HCN1: variants seen among roughly 807,000 people sequenced by gnomAD.
HCN1 encodes potassium/sodium hyperpolarization-activated cyclic nucleotide-gated channel 1.
Under a neutral mutation model 78.9 loss-of-function variants are expected in HCN1, and 13 were observed. That is an observed-to-expected ratio of 0.16 (90% CI 0.11 to 0.26). HCN1 has a LOEUF of 0.26. Ranked by LOEUF, HCN1 falls within the 10% of genes least tolerant of loss-of-function variation. The pLI is 1.00. For missense variants in HCN1, 810 were observed against 1,154.3 expected (o/e 0.70, Z 4.32); for synonymous variants, 552 against 455.5 (o/e 1.21, Z -2.70).
chr5:45,272,186 A>G (rs920288406), intron 6 of HCN1, among the ~76,000 whole-genome samples: 4 of 152,046 alleles, frequency 2.6e-5, no homozygotes, highest in African/African-American at 9.7e-5. Flanking sequence ...AAATCTACTT[A>G]TTGAGTAAAC....
intron 1 of HCN1, among the ~76,000 whole-genome samples, chr5:45,683,586 T>C (rs957734196): frequency 1.3e-5 from 2 of 152,094 alleles, no homozygotes; most frequent in Non-Finnish European, 2.9e-5. Context: ...ACCAGTTGTT[T>C]ATAGAGAATT....
intron 2 of HCN1, among the ~76,000 whole-genome samples, chr5:45,615,573 TCTC>T (rs1744928213): frequency 6.6e-6 from 1 of 151,960 alleles, no homozygotes; most frequent in South Asian, 2.1e-4. Flanking sequence ...TCTAGCCTCT[TCTC>T]ACAATTCTCG....
At position 45,278,912 on chromosome 5, in the gene HCN1, G is replaced by A. The variant is rs188683518; in HGVS notation, c.1619-11659C>T. Among the ~76,000 whole-genome samples, 420 of 152,068 alleles carry A rather than the reference G, an allele frequency of 2.8e-3. 1 individual carries two copies. Among genetic ancestry groups the A allele is most frequent in the African/African-American group, 9.9e-3 (409 of 41,502 alleles). ...AAGAAATGGATTTACATTTTTAAAG[G>A]TTTGTTAAAATAAAAGCAAAAATGA... On this transcript the variant is annotated intron_variant, in intron 6 of 7. Transcript: ENST00000303230.
intron 2 of HCN1, among the ~76,000 whole-genome samples, chr5:45,577,147 A>T (rs1298419286): frequency 6.6e-6 from 1 of 152,254 alleles, no homozygotes; most frequent in African/African-American, 2.4e-5. Context: ...CTGCTAGTAC[A>T]ATCAGAATAT....
At chr5:45,285,934 A>G (rs1745260595) in intron 6 of HCN1, among the ~76,000 whole-genome samples, 1 of 151,928 alleles carries the variant, frequency 6.6e-6, no homozygotes, top group Admixed American at 6.6e-5. Flanking sequence ...TCAGTTCCTC[A>G]TCTTCTCTGA....
intron 3 of HCN1, among the ~76,000 whole-genome samples, chr5:45,446,390 A>G (rs1259537163): frequency 6.6e-6 from 1 of 152,206 alleles, no homozygotes; most frequent in Non-Finnish European, 1.5e-5. Flanking sequence ...GACTATGTGA[A>G]AAGACCAAAT....
At chr5:45,321,645 T>C (rs1281609419) in intron 5 of HCN1, among the ~76,000 whole-genome samples, 2 of 152,010 alleles carry the variant, frequency 1.3e-5, no homozygotes, top group Admixed American at 6.6e-5. Context: ...TGCTTAAATG[T>C]ATTTCTTAGA....
chr5:45,318,063 G>A (rs1746035737), intron 5 of HCN1, among the ~76,000 whole-genome samples: 1 of 152,062 alleles, frequency 6.6e-6, no homozygotes, highest in Non-Finnish European at 1.5e-5. Context: ...TCCCATTATT[G>A]GGTATATACT....
intron 2 of HCN1, among the ~76,000 whole-genome samples, chr5:45,581,087 G>C (rs1244613304): frequency 6.6e-6 from 1 of 152,146 alleles, no homozygotes; most frequent in Non-Finnish European, 1.5e-5. Context: ...GGTATTTCTA[G>C]TTCTAGATCC....
rs144609396 is a variant in HCN1 at position 45,339,940 on chromosome 5, C to T, written c.1377+13160G>A. 2.6e-3 allele frequency among the ~76,000 whole-genome samples: 397 copies of T among 152,102 alleles called. 1 individual carries two copies. The highest frequency in any genetic ancestry group is 9.1e-3 in the African/African-American group (376 of 41,500). On this transcript the variant is annotated intron_variant, in intron 5 of 7. Transcript: ENST00000303230. ...GTATGTATTTATTTATTTTTTGAGA[C>T]AGAGTTTTGCTCTTGTTGCCCAGGC... is the stretch of plus-strand genomic sequence containing the variant.
intron 1 of HCN1, among the ~76,000 whole-genome samples, chr5:45,682,668 G>A (rs909172969): frequency 6.6e-6 from 1 of 151,784 alleles, no homozygotes; most frequent in Non-Finnish European, 1.5e-5. Context: ...CATCTTAGTG[G>A]GCCTTAAATT....
chr5:45,318,677 C>A (rs1400278847), intron 5 of HCN1, among the ~76,000 whole-genome samples: 1 of 151,930 alleles, frequency 6.6e-6, no homozygotes, highest in Non-Finnish European at 1.5e-5. Flanking sequence ...CAGGATTATT[C>A]ATGTTCATTA....
At chr5:45,659,143 A>G (rs1415036556) in intron 1 of HCN1, among the ~76,000 whole-genome samples, 2 of 150,838 alleles carry the variant, frequency 1.3e-5, no homozygotes, top group African/African-American at 2.4e-5. Context: ...TGGGTCCCTG[A>G]CCCCTGACCC....
intron 5 of HCN1, among the ~76,000 whole-genome samples, chr5:45,311,758 C>A (rs1045036326): frequency 6.6e-6 from 1 of 152,168 alleles, no homozygotes; most frequent in Non-Finnish European, 1.5e-5. Flanking sequence ...AGACCTGCAG[C>A]TTTATTTATT....
At chr5:45,667,401 A>G (rs1269845336) in intron 1 of HCN1, among the ~76,000 whole-genome samples, 3 of 152,032 alleles carry the variant, frequency 2.0e-5, no homozygotes, top group Non-Finnish European at 4.4e-5. Context: ...AGTAAAAATT[A>G]TATATCAGAC....
At chr5:45,318,378 C>T (rs939089014) in intron 5 of HCN1, among the ~76,000 whole-genome samples, 1 of 151,922 alleles carries the variant, frequency 6.6e-6, no homozygotes, top group Non-Finnish European at 1.5e-5. Context: ...AATACTTGGT[C>T]ACAGAAAGGG....
chr5:45,408,810 C>T (rs1373193006), intron 3 of HCN1, among the ~76,000 whole-genome samples: 3 of 152,046 alleles, frequency 2.0e-5, no homozygotes, highest in Non-Finnish European at 2.9e-5. Flanking sequence ...AAACTACTAA[C>T]AAAGTGAAAT....
intron 1 of HCN1, among the ~76,000 whole-genome samples, chr5:45,691,603 G>GTT (rs1288283394): frequency 5.9e-5 from 9 of 152,098 alleles, no homozygotes; most frequent in African/African-American, 2.2e-4. Flanking sequence ...GGTTAATTTT[G>GTT]GCTATGTTGA....
chr5:45,642,901 C>T (rs1229740802), intron 2 of HCN1: 2 of 151,976 alleles, frequency 1.3e-5, no homozygotes, highest in Admixed American at 1.3e-4. Context: ...GCATTAAATA[C>T]CCATGATATA....
Sources: allele counts gnomAD v4.1 joint callset (sites outside exome capture counted in the v4.1 genomes callset), GRCh38; gene constraint gnomAD v4.1.1; transcripts MANE v1.5; gene names NCBI Gene and HGNC (gene_info 2026-07-23, HGNC 2026-07-21).